The following ADAM19 variants were observed in gnomAD, a reference collection of about 807,000 sequenced individuals.
ADAM19 encodes the protein ADAM metallopeptidase domain 19, also known as disintegrin and metalloproteinase domain-containing protein 19.
In ADAM19, 65 loss-of-function variants were observed where a neutral mutation model predicts 114.7. The observed-to-expected ratio is 0.57, with a 90% CI of 0.46 to 0.70. ADAM19 has a LOEUF of 0.70. Among genes scored for constraint, ADAM19 ranks in the 30% least tolerant of loss-of-function variants. ADAM19 has a pLI of 0.00. For missense variants in ADAM19, 1,063 were observed against 1,204.7 expected (o/e 0.88, Z 1.74); for synonymous variants, 466 against 460.5 (o/e 1.01, Z -0.15).
At position 157,479,246 on chromosome 5, in the gene ADAM19, C is replaced by G; in HGVS notation, c.*1703G>C. The G allele has an allele frequency of 4.1e-6, 4 of 985,856 alleles. No individual in the cohort carries two copies. Among genetic ancestry groups the G allele is most frequent in the Non-Finnish European group, 3.6e-6 (3 of 829,942 alleles). 61.1% of individuals were successfully genotyped at this position (985,856 alleles called of 1,614,324 possible). ...CAGGCTTTTCCCCCAGGGGTACATC[C>G]CGTATTTTCCACTTATTTCCAAACC... On this transcript the variant is annotated 3_prime_UTR_variant, in exon 23 of 23. Transcript: ENST00000257527.
chr5:157,533,846 G>T (rs1219753728), intron 4 of ADAM19, among the ~76,000 whole-genome samples: 19 of 152,070 alleles, frequency 1.2e-4, no homozygotes, highest in Non-Finnish European at 1.9e-4. Flanking sequence ...GTGCACTCCT[G>T]TCGTCCCAGC....
chr5:157,495,976 T>G (rs1019782432), intron 14 of ADAM19, among the ~76,000 whole-genome samples: 1 of 129,036 alleles, frequency 7.7e-6, no homozygotes, highest in African/African-American at 3.0e-5. Context: ...GGTACATCCC[T>G]CTGTCGCTTG....
At chr5:157,537,575 T>A (rs934768952) in intron 4 of ADAM19, among the ~76,000 whole-genome samples, 9 of 152,244 alleles carry the variant, frequency 5.9e-5, no homozygotes, top group Admixed American at 5.2e-4. Flanking sequence ...GACAGGATTA[T>A]GAGTAAGTCA....
At chr5:157,520,982 G>A (rs994290911) in intron 5 of ADAM19, among the ~76,000 whole-genome samples, 6 of 152,280 alleles carry the variant, frequency 3.9e-5, no homozygotes, top group East Asian at 1.9e-4. Flanking sequence ...TGCTGAGGAC[G>A]GAATAGCGAA....
intron 21 of ADAM19, among the ~76,000 whole-genome samples, chr5:157,485,974 G>A (rs1011212124): frequency 5.3e-5 from 8 of 152,316 alleles, no homozygotes; most frequent in South Asian, 2.1e-4. Flanking sequence ...TGCCTTCCTC[G>A]TCATTGCCTG....
chr5:157,507,096 A>G lies in ADAM19; in HGVS notation c.950T>C (p.Met317Thr). 2 of 1,614,110 alleles carry G rather than the reference A, an allele frequency of 1.2e-6. No homozygotes were observed. The highest frequency in any genetic ancestry group is 1.7e-6 in the Non-Finnish European group (2 of 1,179,978). Residue 317 changes from methionine to threonine, a missense_variant, in exon 10 of 23, where the codon ATG (methionine) becomes ACG (threonine). This residue lies in a region of ADAM19 where 615 missense variants were observed against 706.3 expected (regional missense o/e 0.87). Transcript: ENST00000257527. ...AGACTGGTACACAGAGCACATGGCC[A>G]TGAGGGGGGCCAGGCCGATGGTGGT... ...HGTTIGLAPL[M>T]AMCSVYQSGG...
chr5:157,530,517 A>G (rs1187561557), intron 5 of ADAM19, among the ~76,000 whole-genome samples: 1 of 152,112 alleles, frequency 6.6e-6, no homozygotes, highest in Non-Finnish European at 1.5e-5. Context: ...GAGTATGACC[A>G]TCTTTTCAAT....
In ADAM19 at chr5:157,492,956, C is replaced by G. The variant is rs1461102984; in HGVS notation, c.1908+17G>C. On this transcript the variant is annotated intron_variant, in intron 16 of 22. Coordinates refer to ENST00000257527, the MANE Select transcript of ADAM19 (RefSeq NM_033274.5). ...GCTCTGCAGCTGGCTCCTAGGTGAG[C>G]AGGGGAGGGGACTCACATGGTTGTA... is the stretch of plus-strand genomic sequence containing the variant. 6.2e-7 allele frequency: 1 copy of G among 1,613,724 alleles called. No homozygotes were observed. Among genetic ancestry groups the G allele is most frequent in the East Asian group, 2.2e-5 (1 of 44,878 alleles).
chr5:157,516,466 TC>T (rs540103323), intron 7 of ADAM19, among the ~76,000 whole-genome samples: 30 of 152,238 alleles, frequency 2.0e-4, no homozygotes, highest in African/African-American at 7.0e-4. Flanking sequence ...AGATGCCTAA[TC>T]CCTGCCTCCC....
intron 19 of ADAM19, among the ~76,000 whole-genome samples, chr5:157,489,784 G>A (rs1021602371): frequency 2.6e-5 from 4 of 152,156 alleles, no homozygotes; most frequent in East Asian, 1.9e-4. Flanking sequence ...TCAAGAGTTC[G>A]AGACCAGCCT....
At chr5:157,514,828 A>G (rs553383944) in intron 7 of ADAM19, among the ~76,000 whole-genome samples, 3 of 152,350 alleles carry the variant, frequency 2.0e-5, no homozygotes, top group Admixed American at 6.5e-5. Flanking sequence ...ACTGCAAATT[A>G]CATTTAAAAA....
chr5:157,503,894 G>T (rs6860251), intron 11 of ADAM19, among the ~76,000 whole-genome samples: 253 of 152,282 alleles, frequency 1.7e-3, no homozygotes, highest in African/African-American at 5.9e-3. Flanking sequence ...GAGTATGGAA[G>T]GTCCTGGGTC....
At chr5:157,506,909 G>A in intron 10 of ADAM19, 147 bp downstream of exon 10, 1 of 650,114 alleles carries the variant, frequency 1.5e-6, no homozygotes, top group Non-Finnish European at 2.7e-6. Flanking sequence ...AGAACTTAAT[G>A]ACTTCATTTT....
intron 12 of ADAM19, among the ~76,000 whole-genome samples, chr5:157,502,174 C>A (rs1755584439): frequency 6.6e-6 from 1 of 152,136 alleles, no homozygotes; most frequent in African/African-American, 2.4e-5. Flanking sequence ...ATATTTTCAG[C>A]CTTCAAAAAA....
At position 157,505,802 on chromosome 5, in the gene ADAM19, A is replaced by T; in HGVS notation, c.997T>A (p.Ser333Thr). The change falls in exon 11 of 23, where the codon TCC becomes ACC. Residue 333 changes from serine to threonine, a missense_variant. Around this residue, in one of 3 missense-constraint regions of ADAM19, gnomAD observed 615 missense variants for 706.3 expected, o/e 0.87. Coordinates refer to ENST00000257527, the MANE Select transcript of ADAM19 (RefSeq NM_033274.5). The part of the protein sequence containing the change: ...YQSGGVNMDH[S>T]ENAIGVAATM... ...GCAGCCACGCCAATGGCATTCTCGGAGTGGTCCTGCTCAGAAGACAGAGTT... is the reference window on the plus strand; with the variant it reads ...GCAGCCACGCCAATGGCATTCTCGGTGTGGTCCTGCTCAGAAGACAGAGTT... 6.2e-7 allele frequency: 1 copy of T among 1,614,018 alleles called. No homozygotes were observed. Among genetic ancestry groups the T allele is most frequent in the Non-Finnish European group, 8.5e-7 (1 of 1,179,958 alleles).
chr5:157,525,499 GT>G (rs1756427515), intron 5 of ADAM19, among the ~76,000 whole-genome samples: 1 of 152,174 alleles, frequency 6.6e-6, no homozygotes, highest in African/African-American at 2.4e-5. Flanking sequence ...GCCAGTTAAT[GT>G]GAGAGCCGGG....
At chr5:157,549,621 C>T (rs1378954878) in intron 3 of ADAM19, among the ~76,000 whole-genome samples, 2 of 152,208 alleles carry the variant, frequency 1.3e-5, no homozygotes, top group Admixed American at 1.3e-4. Flanking sequence ...CTCTTGCCTT[C>T]GCAGTTCTTT....
At chr5:157,567,043 G>A (rs545434764) in intron 2 of ADAM19, among the ~76,000 whole-genome samples, 2 of 152,254 alleles carry the variant, frequency 1.3e-5, no homozygotes, top group Non-Finnish European at 2.9e-5. Flanking sequence ...TTCTAAGGTT[G>A]ACCTCAAAGC....
At chr5:157,550,841 C>T (rs577126575) in intron 3 of ADAM19, among the ~76,000 whole-genome samples, 3 of 152,240 alleles carry the variant, frequency 2.0e-5, no homozygotes, top group South Asian at 4.1e-4. Flanking sequence ...CTTTATATAT[C>T]CACGTTACAT....
Sources: gnomAD v4.1 joint callset for allele counts (sites outside exome capture counted in the v4.1 genomes callset) on GRCh38, gnomAD v4.1.1 for gene constraint, gnomAD v4.1.1 regional missense constraint, MANE v1.5 for transcripts, NCBI Gene and HGNC (gene_info 2026-07-23, HGNC 2026-07-21) for gene names.